The following SHANK2 variants were observed in gnomAD, a reference collection of about 807,000 sequenced individuals.
SHANK2 encodes SH3 and multiple ankyrin repeat domains 2, also known as SH3 and multiple ankyrin repeat domains protein 2.
Under a neutral mutation model 133.7 loss-of-function variants are expected in SHANK2, and 43 were observed. The observed-to-expected ratio is 0.32, with a 90% confidence interval of 0.25 to 0.41. The LOEUF (loss-of-function observed/expected upper bound fraction) is 0.41, where lower values mean the gene tolerates loss of function less well. Ranked by LOEUF, SHANK2 falls within the 10% of genes least tolerant of loss-of-function variation. The pLI is 1.00. For missense variants in SHANK2, 1,994 were observed against 2,235.8 expected, an observed-to-expected ratio of 0.89 and a Z score of 2.18; for synonymous variants, 1,017 against 952.8, an observed-to-expected ratio of 1.07 and a Z score of -1.24.
At chr11:70,735,832 GCT>G (rs1946392879) in intron 14 of SHANK2, among the ~76,000 whole-genome samples, 1 of 151,946 alleles carries the variant, frequency 6.6e-6, no homozygotes, top group African/African-American at 2.4e-5. Flanking sequence ...GGTTCTTGTA[GCT>G]CTCTCTTCAG....
At position 70,468,380 on chromosome 11, in the gene SHANK2, G is replaced by C. The variant is rs561939906; in HGVS notation, c.*4489C>G. On this transcript the variant is annotated 3_prime_UTR_variant, in exon 26 of 26. Transcript: ENST00000601538. ...AAAGTGATGAGATCTGCGGAAGTCT[G>C]AGAAACAAGTTTGGAAATTCTCTGA... 6 of 152,310 alleles carry C rather than the reference G, an allele frequency of 3.9e-5. No homozygotes were observed. The highest frequency in any genetic ancestry group is 3.3e-4 in the Admixed American group (5 of 15,296). The allele number at this position is 152,310 out of a possible 1,614,324, so 9.4% of individuals were successfully genotyped here. A position where few individuals can be genotyped will look rare whatever the true frequency, so the allele number is the denominator to read the frequency against.
intron 9 of SHANK2, among the ~76,000 whole-genome samples, chr11:71,072,523 G>A (rs1036991405): frequency 7.2e-5 from 11 of 152,264 alleles, no homozygotes; most frequent in African/African-American, 2.6e-4. Flanking sequence ...TCACATCAAG[G>A]TTCCACTTGT....
At chr11:70,638,441 G>T (rs782098359) in intron 17 of SHANK2, among the ~76,000 whole-genome samples, 1 of 152,180 alleles carries the variant, frequency 6.6e-6, no homozygotes, top group East Asian at 1.9e-4. Context: ...TGTGCTCGGC[G>T]CCCTGCTGAT....
chr11:70,540,756 G>A (rs577732880), intron 17 of SHANK2, among the ~76,000 whole-genome samples: 17 of 146,396 alleles, frequency 1.2e-4, no homozygotes, highest in Middle Eastern at 3.7e-3. Context: ...CGCCTGCAAC[G>A]CCCAGCCACT....
At chr11:70,527,729 T>A (rs148281838) in intron 17 of SHANK2, among the ~76,000 whole-genome samples, 177 of 152,220 alleles carry the variant, frequency 1.2e-3, no homozygotes, top group African/African-American at 3.9e-3. Context: ...GACTCCGAGG[T>A]CATGGAGAAG....
At chr11:70,868,811 C>T (rs1399363078) in intron 11 of SHANK2, among the ~76,000 whole-genome samples, 1 of 152,224 alleles carries the variant, frequency 6.6e-6, no homozygotes, top group Admixed American at 6.5e-5. Flanking sequence ...CATTCTCTTC[C>T]ACAAACCTGC....
chr11:70,656,494 C>T (rs891378496), intron 17 of SHANK2, among the ~76,000 whole-genome samples: 15 of 152,134 alleles, frequency 9.9e-5, no homozygotes, highest in Non-Finnish European at 1.9e-4. Flanking sequence ...AACTTCCCGC[C>T]GCCCTGCCCC....
chr11:71,235,138 C>T (rs1255778352), intron 1 of SHANK2, among the ~76,000 whole-genome samples: 3 of 152,034 alleles, frequency 2.0e-5, no homozygotes, highest in Admixed American at 6.6e-5. Context: ...GAAGTGAGTC[C>T]CTTTTGACCC....
chr11:70,711,973 C>T (rs768394655), intron 14 of SHANK2, among the ~76,000 whole-genome samples: 4 of 152,168 alleles, frequency 2.6e-5, no homozygotes, highest in Non-Finnish European at 5.9e-5. Context: ...CGACCAGGCT[C>T]GGTGGCCTCA....
chr11:70,634,483 A>G (rs2061045174), intron 17 of SHANK2: 1 of 152,218 alleles, frequency 6.6e-6, no homozygotes, highest in African/African-American at 2.4e-5. Context: ...ATATTTGCAA[A>G]TCATGTATCT....
intron 10 of SHANK2, among the ~76,000 whole-genome samples, chr11:70,910,149 T>C (rs1313659820): frequency 6.6e-6 from 1 of 152,150 alleles, no homozygotes; most frequent in Non-Finnish European, 1.5e-5. Context: ...CTTAATTACC[T>C]CTTCAAAGGT....
intron 3 of SHANK2, among the ~76,000 whole-genome samples, chr11:71,127,185 C>T (rs1952208291): frequency 6.6e-6 from 1 of 152,266 alleles, no homozygotes; most frequent in Non-Finnish European, 1.5e-5. Context: ...GACTGAATTG[C>T]TGCAATCTCA....
intron 14 of SHANK2, among the ~76,000 whole-genome samples, chr11:70,740,280 A>G (rs1946495815): frequency 6.6e-6 from 1 of 152,204 alleles, no homozygotes; most frequent in African/African-American, 2.4e-5. Context: ...TGTATGAATG[A>G]AAACCATAAA....
chr11:70,546,137 C>G (rs1490654608), intron 17 of SHANK2, among the ~76,000 whole-genome samples: 2 of 142,444 alleles, frequency 1.4e-5, no homozygotes, highest in East Asian at 4.0e-4. Context: ...GGGGGTCACA[C>G]TATGCTGCTT....
intron 9 of SHANK2, among the ~76,000 whole-genome samples, chr11:71,066,200 G>A (rs1951059900): frequency 2.3e-4 from 1 of 4,398 alleles, no homozygotes; most frequent in Non-Finnish European, 4.6e-4. Context: ...GGGGAAGTTG[G>A]GGGGGGTATA....
At chr11:70,733,713 A>G (rs1946335982) in intron 14 of SHANK2, among the ~76,000 whole-genome samples, 1 of 152,178 alleles carries the variant, frequency 6.6e-6, no homozygotes, top group Admixed American at 6.5e-5. Flanking sequence ...GGGGGGTGGC[A>G]GGTAAGTTAG....
At chr11:70,784,274 T>G (rs1947587579) in intron 14 of SHANK2, among the ~76,000 whole-genome samples, 1 of 148,996 alleles carries the variant, frequency 6.7e-6, no homozygotes, top group African/African-American at 2.5e-5. Context: ...CCTCCCAGGT[T>G]CAAGTGATTA....
At chr11:71,071,084 A>G (rs1205609182) in intron 9 of SHANK2, among the ~76,000 whole-genome samples, 1 of 152,196 alleles carries the variant, frequency 6.6e-6, no homozygotes, top group Admixed American at 6.5e-5. Context: ...CAAAAAACAG[A>G]CTTTTCTTGA....
chr11:70,575,906 C>T (rs746387613), intron 17 of SHANK2, among the ~76,000 whole-genome samples: 18 of 151,550 alleles, frequency 1.2e-4, no homozygotes, highest in African/African-American at 2.9e-4. Flanking sequence ...TAATTCCTTA[C>T]GGCAGAATCC....
Sources: allele counts gnomAD v4.1 joint callset (sites outside exome capture counted in the v4.1 genomes callset), GRCh38; gene constraint gnomAD v4.1.1; transcripts MANE v1.5; gene names NCBI Gene and HGNC (gene_info 2026-07-23, HGNC 2026-07-21).